The following TMCO4 variants were observed in gnomAD, a reference collection of about 807,000 sequenced individuals.
TMCO4 encodes transmembrane and coiled-coil domains 4.
Under a neutral mutation model 64.7 loss-of-function variants are expected in TMCO4, and 58 were observed. The observed-to-expected ratio is 0.90, with a 90% CI of 0.73 to 1.12. The LOEUF is 1.12. TMCO4 is among the 50% of genes most tolerant of loss of function. The pLI, the probability that TMCO4 is intolerant of heterozygous loss-of-function variation, is 0.00. For synonymous variants in TMCO4, 325 were observed against 346.1 expected, an observed-to-expected ratio of 0.94 and a Z score of 0.68; for missense variants, 780 against 825.9, an observed-to-expected ratio of 0.94 and a Z score of 0.68.
At chr1:19,729,778 A>G (rs915910597) in intron 13 of TMCO4, among the ~76,000 whole-genome samples, 2 of 152,142 alleles carry the variant, frequency 1.3e-5, no homozygotes, top group Non-Finnish European at 2.9e-5. Context: ...ATAAATAAAT[A>G]AACAAATAAA....
At chr1:19,778,686 G>A (rs2101059400) in intron 4 of TMCO4, among the ~76,000 whole-genome samples, 1 of 152,328 alleles carries the variant, frequency 6.6e-6, no homozygotes, top group South Asian at 2.1e-4. Context: ...CATGAGACTG[G>A]AAAGTGGCAG....
chr1:19,774,873 C>A (rs572858857), intron 4 of TMCO4, among the ~76,000 whole-genome samples: 23 of 152,294 alleles, frequency 1.5e-4, no homozygotes, highest in African/African-American at 5.1e-4. Flanking sequence ...TAAGTGACAG[C>A]TCCAGATTCA....
rs868793515 is a variant in TMCO4, at chr1:19,745,540, C to T, written c.869G>A (p.Gly290Asp). The change falls in exon 10 of 16, where the codon GGC (glycine) becomes GAC (aspartate). Residue 290 changes from glycine to aspartate, a missense_variant. Physicochemically the swap from Gly to Asp is moderately conservative, Grantham distance 94 (BLOSUM62 -1). Transcript: ENST00000294543. ...GTCCTCCTGGTCCTCACGGTATTTG[C>T]CAGAAGCGAGCCACCCCGTGACGGC... The part of the protein sequence containing the change: ...TIAVTGWLAS[G>D]KYRTFSAPWA... 10 of 1,614,006 alleles carry T rather than the reference C, an allele frequency of 6.2e-6. No homozygotes were observed. In the African/African-American group the frequency reaches 1.3e-4, roughly 22 times the overall value.
At chr1:19,735,631 G>A (rs74737330) in intron 13 of TMCO4, among the ~76,000 whole-genome samples, 1,922 of 152,164 alleles carry the variant, frequency 0.013, 20 homozygotes, top group Non-Finnish European at 0.02. Context: ...GCTGAGAGTC[G>A]ACCTCACTTC....
At position 19,790,202 on chromosome 1, in the gene TMCO4, A is replaced by G. The variant is rs114853917; in HGVS notation, c.-100-3085T>C. 8.2e-3 allele frequency among the ~76,000 whole-genome samples: 1,242 copies of G among 152,262 alleles called. 18 individuals carry two copies. Among genetic ancestry groups the G allele is most frequent in the African/African-American group, 0.028 (1,176 of 41,542 alleles). ...GATGGATTAAAGACTTAAAACCTAAAACTATAAAAACCCTAGAAGAACATC... is the reference window on the plus strand; with the variant it reads ...GATGGATTAAAGACTTAAAACCTAAGACTATAAAAACCCTAGAAGAACATC... On this transcript the variant is annotated intron_variant, in intron 2 of 15. Transcript: ENST00000294543.
chr1:19,737,252 A>T, intron 13 of TMCO4, 120 bp downstream of exon 13: 1 of 1,000,934 alleles, frequency 1.0e-6, no homozygotes, highest in Non-Finnish European at 1.5e-6. Context: ...TTAACTTTTA[A>T]CTATTATTTC....
chr1:19,692,900 G>A lies in TMCO4; in HGVS notation c.1500+1534C>T, dbSNP rs113086286. Among the ~76,000 whole-genome samples, 957 of 152,120 alleles carry A rather than the reference G, an allele frequency of 6.3e-3. 16 individuals carry two copies. Among genetic ancestry groups the A allele is most frequent in the African/African-American group, 0.022 (908 of 41,510 alleles). On this transcript the variant is annotated intron_variant, in intron 15 of 15. Coordinates refer to ENST00000294543, the MANE Select transcript of TMCO4 (RefSeq NM_181719.7). ...AAAAAAACTGAAGTTGGTCAGGCAC[G>A]GTGGCTCACGCCTGTAATCCCAGCA...
intron 6 of TMCO4, among the ~76,000 whole-genome samples, chr1:19,765,906 T>C (rs568489523): frequency 2.0e-5 from 3 of 152,290 alleles, no homozygotes; most frequent in Admixed American, 6.5e-5. Context: ...GCAGCACAGA[T>C]AGCCTCCTCC....
At chr1:19,709,720 CTGTT>C (rs1363967530) in intron 13 of TMCO4, among the ~76,000 whole-genome samples, 1 of 149,648 alleles carries the variant, frequency 6.7e-6, no homozygotes, top group Non-Finnish European at 1.5e-5. Context: ...TTTTTTGTTT[CTGTT>C]TGTTTTTTTT....
intron 15 of TMCO4, among the ~76,000 whole-genome samples, chr1:19,688,718 A>C (rs115243354): frequency 0.036 from 5,474 of 152,224 alleles, 357 homozygotes; most frequent in African/African-American, 0.12. Context: ...CAGTTTTCAC[A>C]CCTGTACAAC....
At chr1:19,752,427 C>T (rs79524213) in intron 7 of TMCO4, among the ~76,000 whole-genome samples, 3,105 of 152,324 alleles carry the variant, frequency 0.02, 60 homozygotes, top group East Asian at 0.055. Context: ...CCAGAGATAC[C>T]TCCTGAAGAG....
chr1:19,702,870 G>A (rs1017851267), intron 13 of TMCO4, among the ~76,000 whole-genome samples: 1 of 152,264 alleles, frequency 6.6e-6, no homozygotes, highest in South Asian at 2.1e-4. Context: ...TTGGAAACCA[G>A]TAGTTCCCAG....
chr1:19,755,585 C>G, intron 7 of TMCO4, 49 bp downstream of exon 7: 1 of 1,609,990 alleles, frequency 6.2e-7, no homozygotes, highest in Non-Finnish European at 8.5e-7. Flanking sequence ...GCAAAGTACA[C>G]TGAAGTGGAA....
intron 7 of TMCO4, among the ~76,000 whole-genome samples, chr1:19,751,425 C>G (rs960858107): frequency 6.6e-6 from 1 of 152,072 alleles, no homozygotes; most frequent in Non-Finnish European, 1.5e-5. Context: ...GGGTGAAATG[C>G]TGTCCCTAGA....
chr1:19,718,694 G>A (rs2095368331), intron 13 of TMCO4, among the ~76,000 whole-genome samples: 1 of 142,248 alleles, frequency 7.0e-6, no homozygotes, highest in South Asian at 2.2e-4. Flanking sequence ...ACACCTGGTT[G>A]CCAGTGTCAT....
intron 7 of TMCO4, among the ~76,000 whole-genome samples, chr1:19,753,915 A>G (rs539972678): frequency 6.6e-6 from 1 of 152,348 alleles, no homozygotes; most frequent in Admixed American, 6.5e-5. Context: ...GGTCTATAAT[A>G]ACACAATTAG....
At position 19,771,478 on chromosome 1, in the gene TMCO4, A is replaced by C; in HGVS notation, c.184T>G (p.Phe62Val). The change falls in exon 5 of 16, where the codon TTC becomes GTC. Residue 62 changes from phenylalanine (F) to valine (V), a missense_variant. Phe to Val is a conservative substitution (Grantham distance 50, BLOSUM62 -1). Transcript: ENST00000294543. ...AGGCCTGCCATGAACTCTGTGCAGA[A>C]GGAGCTGAAAGGCAGACATGGCTTA... is the stretch of plus-strand genomic sequence containing the variant. ...QLFPEPEHSS[F>V]CTEFMAGLVQ... 1 of 1,613,680 alleles carries C rather than the reference A, an allele frequency of 6.2e-7. No individual in the cohort carries two copies. Among genetic ancestry groups the C allele is most frequent in the African/African-American group, 1.3e-5 (1 of 75,058 alleles).
Position 19,762,908 on chromosome 1 carries a change from A to G in TMCO4, c.383-7142T>C, listed in dbSNP as rs78236535. Among the ~76,000 whole-genome samples, 3 of 152,178 alleles carry G rather than the reference A, an allele frequency of 2.0e-5. No homozygotes were observed. The East Asian group carries it at 5.8e-4, about 29-fold the overall frequency. Reference sequence around the variant, plus strand: ...CCCCGCCCTTTGGGGGCTGCCCTCCAGACCAAAGCGAAGGAACCCAGAGGC... The same window carrying G: ...CCCCGCCCTTTGGGGGCTGCCCTCCGGACCAAAGCGAAGGAACCCAGAGGC... On this transcript the variant is annotated intron_variant, in intron 6 of 15. Coordinates refer to ENST00000294543, the MANE Select transcript of TMCO4 (RefSeq NM_181719.7).
chr1:19,782,182 T>C (rs887953854), intron 3 of TMCO4, among the ~76,000 whole-genome samples: 2 of 151,354 alleles, frequency 1.3e-5, no homozygotes, highest in African/African-American at 4.8e-5. Flanking sequence ...GTAGAATGGA[T>C]AAATGGTCAT....
Sources: allele counts gnomAD v4.1 joint callset (sites outside exome capture counted in the v4.1 genomes callset), GRCh38; gene constraint gnomAD v4.1.1; transcripts MANE v1.5; gene names NCBI Gene and HGNC (gene_info 2026-07-23, HGNC 2026-07-21).